Variants in RBFOX1 observed in about 807,000 individuals in gnomAD.
RBFOX1 encodes the protein RNA binding protein fox-1 homolog 1.
In RBFOX1, 8 loss-of-function variants were observed where a neutral mutation model predicts 57.7. The observed-to-expected ratio is 0.14, with a 90% CI of 0.08 to 0.25. The LOEUF (loss-of-function observed/expected upper bound fraction) is 0.25. Ranked by LOEUF, RBFOX1 falls within the 10% of genes least tolerant of loss-of-function variation. The probability of loss-of-function intolerance (pLI) is 1.00; values close to 1 mark genes in which losing one functional copy is unlikely to be tolerated. For synonymous variants in RBFOX1, 326 were observed against 222.4 expected, an observed-to-expected ratio of 1.47 and a Z score of -4.15; for missense variants, 611 against 548.5, an observed-to-expected ratio of 1.11 and a Z score of -1.14.
chr16:5,479,419 A>G (rs2069444498), intron 2 of RBFOX1, among the ~76,000 whole-genome samples: 1 of 152,134 alleles, frequency 6.6e-6, no homozygotes, highest in Non-Finnish European at 1.5e-5. Flanking sequence ...TCCTTTGCAA[A>G]GCCACGCCAA....
At chr16:6,408,639 C>T (rs1408192451) in intron 2 of RBFOX1, among the ~76,000 whole-genome samples, 2 of 152,086 alleles carry the variant, frequency 1.3e-5, no homozygotes, top group Non-Finnish European at 2.9e-5. Context: ...AGTTTCTCTC[C>T]TCTTCCCTCC....
chr16:5,811,527 C>T (rs561444168), intron 3 of RBFOX1, among the ~76,000 whole-genome samples: 25 of 151,452 alleles, frequency 1.7e-4, no homozygotes, highest in African/African-American at 5.3e-4. Flanking sequence ...CTCAGCTCAC[C>T]GCAACCTCTG....
chr16:7,561,584 G>A (rs771991868), intron 5 of RBFOX1, among the ~76,000 whole-genome samples: 4 of 152,056 alleles, frequency 2.6e-5, no homozygotes, highest in Non-Finnish European at 4.4e-5. Context: ...GAGACATATC[G>A]GTGTTCACAA....
chr16:5,875,208 C>G (rs375955839), intron 4 of RBFOX1, among the ~76,000 whole-genome samples: 10 of 152,156 alleles, frequency 6.6e-5, no homozygotes, highest in East Asian at 1.9e-4. Context: ...TTACAGCAAT[C>G]TTTGAAATAA....
intron 3 of RBFOX1, among the ~76,000 whole-genome samples, chr16:7,006,540 C>G (rs2093311447): frequency 6.6e-6 from 1 of 151,972 alleles, no homozygotes; most frequent in Non-Finnish European, 1.5e-5. Flanking sequence ...GCCTCGAACT[C>G]CTGGGCTCAA....
At position 5,908,129 on chromosome 16, in the gene RBFOX1, T is replaced by TAC. The variant is rs1432672283; in HGVS notation, c.351+40795_351+40796insCA. Among the ~76,000 whole-genome samples the TAC allele has an allele frequency of 6.0e-5, 8 of 133,648 alleles. 1 individual carries two copies. The highest frequency in any genetic ancestry group is 2.9e-4 in the African/African-American group (8 of 27,974). The allele number at this position is 133,648 out of a possible 152,430, so 87.7% of individuals were successfully genotyped here. A position where few individuals can be genotyped will look rare whatever the true frequency, so the allele number is the denominator to read the frequency against. ...ATATATACACATATATACACATATATATATACACATATATACACATATATA... is the reference window on the plus strand; with the variant it reads ...ATATATACACATATATACACATATATACATATACACATATATACACATATATA... On this transcript the variant is annotated intron_variant, in intron 4 of 19. Transcript: ENST00000641259.
chr16:6,977,436 A>G (rs2087331055), intron 3 of RBFOX1, among the ~76,000 whole-genome samples: 1 of 152,068 alleles, frequency 6.6e-6, no homozygotes, highest in African/African-American at 2.4e-5. Flanking sequence ...TTGTTCCCTT[A>G]ACCATACACA....
intron 1 of RBFOX1, among the ~76,000 whole-genome samples, chr16:6,282,190 C>T (rs534003699): frequency 4.6e-5 from 7 of 152,108 alleles, no homozygotes; most frequent in South Asian, 2.1e-4. Flanking sequence ...TCCCAGATTG[C>T]GCATAGACCA....
At chr16:7,288,077 C>G (rs2095685837) in intron 4 of RBFOX1, among the ~76,000 whole-genome samples, 1 of 152,094 alleles carries the variant, frequency 6.6e-6, no homozygotes, top group Non-Finnish European at 1.5e-5. Flanking sequence ...CCTTTAGATG[C>G]TGGATCAAGG....
chr16:7,203,108 A>T (rs891000218), intron 4 of RBFOX1, among the ~76,000 whole-genome samples: 1 of 152,188 alleles, frequency 6.6e-6, no homozygotes, highest in East Asian at 1.9e-4. Context: ...TTACACTCAT[A>T]TTCATAACAG....
chr16:5,830,967 T>TC lies in RBFOX1; in HGVS notation c.319-36328dup, dbSNP rs34245667. On this transcript the variant is annotated intron_variant, in intron 3 of 19. Transcript: ENST00000641259. ...CTGTCTCACCTGCCACCATTTCCTATCCCCCCCCAACTCTGTTTTTTGCGT... is the reference window on the plus strand; with the variant it reads ...CTGTCTCACCTGCCACCATTTCCTATCCCCCCCCCAACTCTGTTTTTTGCGT... 2.0e-4 allele frequency among the ~76,000 whole-genome samples: 30 copies of TC among 151,778 alleles called. No individual in the cohort carries two copies. The East Asian group carries it at 2.7e-3, about 14-fold the overall frequency.
At chr16:7,356,551 G>A (rs774380821) in intron 4 of RBFOX1, among the ~76,000 whole-genome samples, 1 of 152,186 alleles carries the variant, frequency 6.6e-6, no homozygotes, top group Non-Finnish European at 1.5e-5. Flanking sequence ...GATTGAGGCA[G>A]GGCCCTGCAC....
intron 3 of RBFOX1, among the ~76,000 whole-genome samples, chr16:5,687,905 C>T (rs1313361154): frequency 6.6e-6 from 1 of 151,960 alleles, no homozygotes; most frequent in Non-Finnish European, 1.5e-5. Context: ...GCAGACTCTG[C>T]TCTACACCTT....
intron 2 of RBFOX1, among the ~76,000 whole-genome samples, chr16:6,525,993 C>G (rs2096572473): frequency 6.6e-6 from 1 of 152,012 alleles, no homozygotes; most frequent in Non-Finnish European, 1.5e-5. Context: ...TAAAAATGAC[C>G]CCAAGATATC....
chr16:6,620,760 G>A (rs1462476049), intron 2 of RBFOX1, among the ~76,000 whole-genome samples: 1 of 152,152 alleles, frequency 6.6e-6, no homozygotes, highest in African/African-American at 2.4e-5. Context: ...GAAAGAAATG[G>A]ATAAATTCCT....
intron 3 of RBFOX1, among the ~76,000 whole-genome samples, chr16:6,820,675 A>G (rs7359354): frequency 6.6e-6 from 1 of 151,590 alleles, no homozygotes; most frequent in East Asian, 2.0e-4. Context: ...AAAAACAAGC[A>G]AAACAAACAA....
chr16:6,749,290 C>T (rs1478258627), intron 3 of RBFOX1, among the ~76,000 whole-genome samples: 1 of 152,118 alleles, frequency 6.6e-6, no homozygotes, highest in African/African-American at 2.4e-5. Flanking sequence ...GTAATGACAT[C>T]AACCCAATTA....
intron 2 of RBFOX1, among the ~76,000 whole-genome samples, chr16:6,620,620 A>G (rs983917038): frequency 1.3e-5 from 2 of 152,210 alleles, no homozygotes; most frequent in African/African-American, 2.4e-5. Context: ...ATGAATAAAG[A>G]AGAAAAGGTA....
chr16:5,871,484 C>A (rs2057469561), intron 4 of RBFOX1, among the ~76,000 whole-genome samples: 1 of 152,204 alleles, frequency 6.6e-6, no homozygotes, highest in Admixed American at 6.5e-5. Context: ...GACTCCTTCC[C>A]CTTCAAAATC....
Sources: gnomAD v4.1 joint callset for allele counts (sites outside exome capture counted in the v4.1 genomes callset) on GRCh38, gnomAD v4.1.1 for gene constraint, MANE v1.5 for transcripts, NCBI Gene and HGNC (gene_info 2026-07-23, HGNC 2026-07-21) for gene names.